Variants in SH3BGRL2 observed in about 807,000 individuals in gnomAD.
SH3BGRL2 encodes SH3 domain binding glutamate rich protein like 2.
In SH3BGRL2, 21 loss-of-function variants were observed where a neutral mutation model predicts 14.8. That is an observed-to-expected ratio of 1.42 (90% CI 1.01 to 2.05). The LOEUF (loss-of-function observed/expected upper bound fraction) is 2.05, where lower values mean the gene tolerates loss of function less well. Among genes scored for constraint, SH3BGRL2 ranks in the 30% most tolerant of loss-of-function variants. SH3BGRL2 has a pLI of 0.00. For synonymous variants in SH3BGRL2, 50 were observed against 47.8 expected, an observed-to-expected ratio of 1.05 and a Z score of -0.19; for missense variants, 147 against 130.8, an observed-to-expected ratio of 1.12 and a Z score of -0.61.
At chr6:79,568,021 AT>A in the SH3BGRL2 span, among the ~76,000 whole-genome samples, 1 of 152,326 alleles carries the variant, frequency 6.6e-6, no homozygotes, top group Non-Finnish European at 1.5e-5. Flanking sequence ...AAGCTGAAAT[AT>A]CATTTTGTAC....
At chr6:79,651,069 G>A (rs972797464) in intron 1 of SH3BGRL2, among the ~76,000 whole-genome samples, 7 of 151,992 alleles carry the variant, frequency 4.6e-5, no homozygotes, top group Admixed American at 3.9e-4. Context: ...TCACACAATT[G>A]AGGACTGACT....
At chr6:79,653,594 A>G (rs1014816318) in intron 1 of SH3BGRL2, among the ~76,000 whole-genome samples, 3 of 152,156 alleles carry the variant, frequency 2.0e-5, no homozygotes, top group African/African-American at 7.2e-5. Context: ...GTTCATTTAC[A>G]TTTTCTGTAA....
the SH3BGRL2 span, among the ~76,000 whole-genome samples, chr6:79,588,304 A>AAT: frequency 2.0e-5 from 3 of 151,658 alleles, no homozygotes; most frequent in African/African-American, 7.3e-5. Flanking sequence ...AAAAAAAAAA[A>AAT]AAACTGGGCT....
intron 1 of SH3BGRL2, among the ~76,000 whole-genome samples, chr6:79,657,154 A>G (rs1769436518): frequency 6.6e-6 from 1 of 152,162 alleles, no homozygotes. Flanking sequence ...CCAGGAGACT[A>G]TGGAACTTTT....
At chr6:79,678,870 T>G (rs1169120805) in intron 2 of SH3BGRL2, among the ~76,000 whole-genome samples, 1 of 152,178 alleles carries the variant, frequency 6.6e-6, no homozygotes, top group Non-Finnish European at 1.5e-5. Flanking sequence ...ACATGCAGCA[T>G]TTGGTTTTCT....
chr6:79,572,441 A>G, the SH3BGRL2 span, among the ~76,000 whole-genome samples: 1 of 139,458 alleles, frequency 7.2e-6, no homozygotes, highest in African/African-American at 2.6e-5. Context: ...AATGGCATCT[A>G]TTTTTATTTT....
intron 1 of SH3BGRL2, among the ~76,000 whole-genome samples, chr6:79,649,326 G>A (rs572142424): frequency 6.6e-6 from 1 of 152,114 alleles, no homozygotes; most frequent in Non-Finnish European, 1.5e-5. Context: ...ATCAGGTTTG[G>A]CATATTTTGG....
chr6:79,545,593 T>A, the SH3BGRL2 span, among the ~76,000 whole-genome samples: 1 of 152,188 alleles, frequency 6.6e-6, no homozygotes. Flanking sequence ...AACTAAAAGA[T>A]GTCGTTTACA....
Position 79,703,160 on chromosome 6 carries a change from G to A in SH3BGRL2, c.*3651G>A, listed in dbSNP as rs546372660. On this transcript the variant is annotated 3_prime_UTR_variant, in exon 4 of 4. Coordinates refer to ENST00000369838, the MANE Select transcript of SH3BGRL2 (RefSeq NM_031469.4). ...GTTTGTTTGTTCATCCTTTCTGTCA[G>A]CATGGATCAAGCCCCTAAAATGTGG... 3 of 152,130 alleles carry A rather than the reference G, an allele frequency of 2.0e-5. No individual in the cohort carries two copies. The highest frequency in any genetic ancestry group is 4.4e-5 in the Non-Finnish European group (3 of 68,034). 9.4% of individuals were successfully genotyped at this position (152,130 alleles called of 1,614,324 possible).
chr6:79,616,053 T>C, the SH3BGRL2 span, among the ~76,000 whole-genome samples: 8 of 152,134 alleles, frequency 5.3e-5, no homozygotes, highest in Middle Eastern at 3.2e-3. Flanking sequence ...CGACCTCAGG[T>C]GATCCACCCG....
Position 79,696,352 on chromosome 6 carries a change from T to C in SH3BGRL2, c.232-133T>C. On this transcript the variant is annotated intron_variant, in intron 2 of 3. Coordinates refer to ENST00000369838, the MANE Select transcript of SH3BGRL2 (RefSeq NM_031469.4). ...TGCAAGCAGACTAATTCAGCAGATT[T>C]ATTTAGCTTTTCCCTGATCTGGACA... 4 of 613,104 alleles carry C rather than the reference T, an allele frequency of 6.5e-6. No homozygotes were observed. In the South Asian group the frequency reaches 9.1e-5, roughly 14 times the overall value. The allele number at this position is 613,104 out of a possible 1,614,324, so 38.0% of individuals were successfully genotyped here. A position where few individuals can be genotyped will look rare whatever the true frequency, so the allele number is the denominator to read the frequency against.
At chr6:79,566,328 T>G in the SH3BGRL2 span, among the ~76,000 whole-genome samples, 1 of 152,186 alleles carries the variant, frequency 6.6e-6, no homozygotes, top group Non-Finnish European at 1.5e-5. Context: ...GGACCTCAAG[T>G]TATACTCAAA....
chr6:79,643,961 A>C (rs1429677670), intron 1 of SH3BGRL2, among the ~76,000 whole-genome samples: 2 of 152,200 alleles, frequency 1.3e-5, no homozygotes, highest in African/African-American at 4.8e-5. Context: ...AACTGGAAGG[A>C]GTAAGATTCG....
Position 79,702,385 on chromosome 6 carries a change from C to A in SH3BGRL2, c.*2876C>A, listed in dbSNP as rs1770479669. The A allele has an allele frequency of 6.6e-6, 1 of 152,620 alleles. No homozygotes were observed. The highest frequency in any genetic ancestry group is 6.5e-5 in the Admixed American group (1 of 15,272). The allele number at this position is 152,620 out of a possible 1,614,324, so 9.5% of individuals were successfully genotyped here. A position where few individuals can be genotyped will look rare whatever the true frequency, so the allele number is the denominator to read the frequency against. ...TTAACAGCTTTTGTTAAGTGTCAGGCTGCACTTTGCTCCATATAATTATTG... is the reference window on the plus strand; with the variant it reads ...TTAACAGCTTTTGTTAAGTGTCAGGATGCACTTTGCTCCATATAATTATTG... On this transcript the variant is annotated 3_prime_UTR_variant, in exon 4 of 4. Transcript: ENST00000369838.
rs1211817242 is a variant in SH3BGRL2, at chr6:79,673,635, G to A, written c.67G>A (p.Val23Met). 25 of 1,614,060 alleles carry A rather than the reference G, an allele frequency of 1.5e-5. No homozygotes were observed. The highest frequency in any genetic ancestry group is 2.2e-5 in the South Asian group (2 of 91,056). ...FVAIKKKQQDVVRFLEANKIE... is the reference protein window; with the variant it reads ...FVAIKKKQQDMVRFLEANKIE... Reference sequence around the variant, plus strand: ...TTAGATAAAGAAGAAGCAGCAAGATGTGGTTAGATTTCTGGAAGCCAACAA... The same window carrying A: ...TTAGATAAAGAAGAAGCAGCAAGATATGGTTAGATTTCTGGAAGCCAACAA... The change falls in exon 2 of 4, where the codon GTG becomes ATG. Residue 23 changes from valine to methionine, a missense_variant. By Grantham distance (21) the Val-to-Met change is conservative. Transcript: ENST00000369838.
intron 1 of SH3BGRL2, among the ~76,000 whole-genome samples, chr6:79,637,031 T>C (rs1360643568): frequency 6.6e-6 from 1 of 152,140 alleles, no homozygotes; most frequent in African/African-American, 2.4e-5. Context: ...AAAAGACTAA[T>C]TTATGGAGTT....
At chr6:79,570,181 A>G in the SH3BGRL2 span, among the ~76,000 whole-genome samples, 1 of 152,208 alleles carries the variant, frequency 6.6e-6, no homozygotes, top group Non-Finnish European at 1.5e-5. Flanking sequence ...AATATCTGAA[A>G]CATTAATGTG....
At chr6:79,653,510 C>G (rs1001700155) in intron 1 of SH3BGRL2, among the ~76,000 whole-genome samples, 1 of 152,004 alleles carries the variant, frequency 6.6e-6, no homozygotes, top group Non-Finnish European at 1.5e-5. Flanking sequence ...TAATGTCTGG[C>G]GTAAAGTAAC....
chr6:79,543,343 G>A, the SH3BGRL2 span, among the ~76,000 whole-genome samples: 1 of 152,074 alleles, frequency 6.6e-6, no homozygotes, highest in East Asian at 1.9e-4. Flanking sequence ...TACATTTCAA[G>A]TACTCAGTAG....
Sources: gnomAD v4.1 joint callset for allele counts (sites outside exome capture counted in the v4.1 genomes callset) on GRCh38, gnomAD v4.1.1 for gene constraint, MANE v1.5 for transcripts, NCBI Gene and HGNC (gene_info 2026-07-23, HGNC 2026-07-21) for gene names.